Variants in EML1 observed in about 807,000 individuals in gnomAD.
The protein encoded by EML1 is echinoderm microtubule-associated protein-like 1.
In EML1, 27 loss-of-function variants were observed where a neutral mutation model predicts 110.4. The ratio of observed to expected loss-of-function variants is 0.24; its 90% CI spans 0.18 to 0.34. The LOEUF (loss-of-function observed/expected upper bound fraction) is 0.34. EML1 is among the 10% of genes least tolerant of loss of function. The probability of loss-of-function intolerance (pLI) is 1.00; values close to 1 mark genes in which losing one functional copy is unlikely to be tolerated. For missense variants in EML1, 741 were observed against 1,030.9 expected, an observed-to-expected ratio of 0.72 and a Z score of 3.85; for synonymous variants, 344 against 385.8, an observed-to-expected ratio of 0.89 and a Z score of 1.27.
chr14:99,905,257 C>T lies in EML1; in HGVS notation c.1009-2381C>T, dbSNP rs1329570170. On this transcript the variant is annotated intron_variant, in intron 9 of 21. Coordinates refer to ENST00000262233, the MANE Select transcript of EML1 (RefSeq NM_004434.3). This position sits in a 1 kb window ranked among gnomAD's most constrained non-coding sequence, Gnocchi z 4.1. ...TGTGTGACAAAACATAGATATTAGC[C>T]ATTCAGCTCAGCACCCAGCACCCAA... 6.6e-6 allele frequency among the ~76,000 whole-genome samples: 1 copy of T among 152,226 alleles called. No homozygotes were observed. The highest frequency in any genetic ancestry group is 1.9e-4 in the East Asian group (1 of 5,204).
In EML1 at chr14:99,748,362, G is replaced by A. The variant is rs142483234; in HGVS notation, c.28+10502G>A. Among the ~76,000 whole-genome samples, 9 of 152,276 alleles carry A rather than the reference G, an allele frequency of 5.9e-5. No individual in the cohort carries two copies. In the East Asian group the frequency reaches 1.7e-3, roughly 29 times the overall value. Reference sequence around the variant, plus strand: ...CGGTTTCTGGGAGGAAAAGGGAGGGGCCAGCGATGCTCAAGGCTGCAGCTT... The same window carrying A: ...CGGTTTCTGGGAGGAAAAGGGAGGGACCAGCGATGCTCAAGGCTGCAGCTT... On this transcript the variant is annotated intron_variant, in intron 1 of 10. Transcript: ENST00000554479.
chr14:99,875,172 G>T (rs2059269366), intron 3 of EML1, among the ~76,000 whole-genome samples: 1 of 152,148 alleles, frequency 6.6e-6, no homozygotes, highest in Non-Finnish European at 1.5e-5. Context: ...CTCCAAAACA[G>T]TATACTTTGG....
intron 1 of EML1, among the ~76,000 whole-genome samples, chr14:99,809,041 T>G (rs1300882004): frequency 6.6e-6 from 1 of 152,230 alleles, no homozygotes; most frequent in Non-Finnish European, 1.5e-5. Context: ...CCAGGTTTCT[T>G]TGAACTATAC....
At chr14:99,737,943 G>A (rs1362378045) in intron 1 of EML1, 27 of 1,244,192 alleles carry the variant, frequency 2.2e-5, no homozygotes, top group Admixed American at 1.2e-4. Flanking sequence ...TGGGGCCCCC[G>A]CAGGCTGCAG....
chr14:99,867,602 C>G (rs1369199785), intron 3 of EML1, among the ~76,000 whole-genome samples: 2 of 152,024 alleles, frequency 1.3e-5, no homozygotes. Context: ...GAATTAATTT[C>G]TTAACTTCCT....
At chr14:99,799,859 G>A (rs1308213005) in intron 1 of EML1, among the ~76,000 whole-genome samples, 1 of 152,166 alleles carries the variant, frequency 6.6e-6, no homozygotes, top group Non-Finnish European at 1.5e-5. Context: ...TATAAAACTA[G>A]TAGCGTGAAA....
chr14:99,912,345 C>T (rs1373018822), intron 13 of EML1, among the ~76,000 whole-genome samples: 1 of 152,154 alleles, frequency 6.6e-6, no homozygotes, highest in Non-Finnish European at 1.5e-5. Context: ...CCATTATCTA[C>T]TTGGCAGCCC....
At chr14:99,908,612 T>A (rs192835754) in intron 10 of EML1, among the ~76,000 whole-genome samples, 75 of 152,304 alleles carry the variant, frequency 4.9e-4, no homozygotes, top group Admixed American at 1.4e-3. Context: ...CTCAAGAATG[T>A]GTAACTGCAT....
At chr14:99,804,916 G>A (rs563373409) in intron 1 of EML1, among the ~76,000 whole-genome samples, 2 of 152,308 alleles carry the variant, frequency 1.3e-5, no homozygotes, top group African/African-American at 4.8e-5. Flanking sequence ...CTGCTTCCCT[G>A]ACCCTTTCCT....
intron 1 of EML1, among the ~76,000 whole-genome samples, chr14:99,756,425 C>T (rs2057255611): frequency 6.6e-6 from 1 of 152,208 alleles, no homozygotes; most frequent in African/African-American, 2.4e-5. Flanking sequence ...GCTCAAGGCC[C>T]AGGCAAAGGC....
intron 1 of EML1, among the ~76,000 whole-genome samples, chr14:99,775,577 C>T (rs1469884724): frequency 6.6e-6 from 1 of 152,144 alleles, no homozygotes; most frequent in Non-Finnish European, 1.5e-5. Context: ...GATCTGGCAC[C>T]ATGATGGCAG....
intron 1 of EML1, among the ~76,000 whole-genome samples, chr14:99,745,653 G>A (rs1342894716): frequency 1.3e-5 from 2 of 152,198 alleles, no homozygotes; most frequent in Admixed American, 6.5e-5. Context: ...AGACATTCCT[G>A]CAGTATTCAG....
At chr14:99,888,697 C>T (rs1367343199) in intron 4 of EML1, among the ~76,000 whole-genome samples, 1 of 152,190 alleles carries the variant, frequency 6.6e-6, no homozygotes, top group African/African-American at 2.4e-5. Context: ...TTTAAGGCCA[C>T]CATGGAGCTG....
chr14:99,867,226 A>G (rs891937544), intron 3 of EML1, among the ~76,000 whole-genome samples: 10 of 152,042 alleles, frequency 6.6e-5, no homozygotes, highest in Non-Finnish European at 1.5e-4. Context: ...CTTGATTACT[A>G]TTGCTTTTTA....
At chr14:99,909,136 T>A (rs2059905334) in intron 10 of EML1, among the ~76,000 whole-genome samples, 1 of 152,076 alleles carries the variant, frequency 6.6e-6, no homozygotes, top group Non-Finnish European at 1.5e-5. Context: ...CATTGTCCAG[T>A]GGGGGAGACA....
intron 1 of EML1, among the ~76,000 whole-genome samples, chr14:99,847,072 A>AAAATTTT (rs148467296): frequency 0.31 from 47,154 of 151,744 alleles, 7,701 homozygotes; most frequent in African/African-American, 0.4. Flanking sequence ...TCATTTGATT[A>AAAATTTT]TTCTAATTTC....
In EML1 at chr14:99,754,436, C is replaced by T. The variant is rs149400993; in HGVS notation, c.28+16576C>T. On this transcript the variant is annotated intron_variant, in intron 1 of 10. Transcript: ENST00000554479. ...TGGGGGTGCAAAGGGCTCCACCAGA[C>T]CTCTGGGTGGGGCCGTGACTCCCAG... Among the ~76,000 whole-genome samples, 869 of 152,300 alleles carry T rather than the reference C, an allele frequency of 5.7e-3. 4 individuals are homozygous for T. Among genetic ancestry groups the T allele is most frequent in the Non-Finnish European group, 9.3e-3 (632 of 68,018 alleles).
intron 1 of EML1, among the ~76,000 whole-genome samples, chr14:99,746,310 G>A (rs1171528155): frequency 1.3e-5 from 2 of 152,136 alleles, no homozygotes; most frequent in African/African-American, 4.8e-5. Flanking sequence ...TGGGTGTGGC[G>A]GTGGCTTGGG....
At chr14:99,786,452 T>C (rs1217433540) in intron 1 of EML1, among the ~76,000 whole-genome samples, 1 of 152,180 alleles carries the variant, frequency 6.6e-6, no homozygotes, top group Non-Finnish European at 1.5e-5. Flanking sequence ...TGATGGGCAT[T>C]AGGGGTATAT....
Sources: gnomAD v4.1 joint callset for allele counts (sites outside exome capture counted in the v4.1 genomes callset) on GRCh38, gnomAD v4.1.1 for gene constraint, Gnocchi (gnomAD v3.1) non-coding constraint, MANE v1.5 for transcripts, NCBI Gene and HGNC (gene_info 2026-07-23, HGNC 2026-07-21) for gene names.